Variants in TBC1D32 observed in about 807,000 individuals in gnomAD.
TBC1D32 encodes protein broad-minded.
Under a neutral mutation model 170.3 loss-of-function variants are expected in TBC1D32, and 151 were observed. The ratio of observed to expected loss-of-function variants is 0.89; its 90% confidence interval spans 0.78 to 1.01. TBC1D32 has a LOEUF of 1.01. Ranked by LOEUF, TBC1D32 falls within the 50% of genes least tolerant of loss-of-function variation. The pLI, the probability that TBC1D32 is intolerant of heterozygous loss-of-function variation, is 0.00. For synonymous variants in TBC1D32, 498 were observed against 488.0 expected (o/e 1.02, Z -0.27); for missense variants, 1,464 against 1,457.1 (o/e 1.00, Z -0.08).
chr6:121,130,003 A>C (rs1781257563), intron 25 of TBC1D32: 2 of 404,516 alleles, frequency 4.9e-6, no homozygotes, highest in Non-Finnish European at 9.5e-6. Flanking sequence ...ACCAAAGGTA[A>C]ATTAGAAATC....
At chr6:121,146,478 A>G (rs1783464702) in intron 24 of TBC1D32, among the ~76,000 whole-genome samples, 1 of 152,208 alleles carries the variant, frequency 6.6e-6, no homozygotes, top group African/African-American at 2.4e-5. Flanking sequence ...GGCTATTTCT[A>G]TATCATTGAT....
intron 30 of TBC1D32, among the ~76,000 whole-genome samples, chr6:121,102,769 C>G (rs1351182254): frequency 6.6e-6 from 1 of 152,050 alleles, no homozygotes; most frequent in African/African-American, 2.4e-5. Context: ...AGCTTCTGCA[C>G]AGCAAAAGAA....
At chr6:121,216,812 T>C (rs750505328) in intron 21 of TBC1D32, among the ~76,000 whole-genome samples, 9 of 152,118 alleles carry the variant, frequency 5.9e-5, no homozygotes, top group Non-Finnish European at 1.0e-4. Flanking sequence ...TCTGCTAAAA[T>C]TGCCCTGATT....
intron 30 of TBC1D32, among the ~76,000 whole-genome samples, chr6:121,105,687 A>G (rs971924314): frequency 6.6e-6 from 1 of 151,986 alleles, no homozygotes; most frequent in African/African-American, 2.4e-5. Flanking sequence ...GACACAGTAT[A>G]TCATATACAA....
At chr6:121,085,212 T>C (rs1339608695) in intron 31 of TBC1D32, among the ~76,000 whole-genome samples, 2 of 141,218 alleles carry the variant, frequency 1.4e-5, no homozygotes, top group Non-Finnish European at 1.5e-5. Flanking sequence ...TATATACACA[T>C]ATATATACAC....
chr6:121,208,729 GAAAAAA>G (rs57771111), intron 21 of TBC1D32, among the ~76,000 whole-genome samples: 2 of 86,918 alleles, frequency 2.3e-5, no homozygotes, highest in South Asian at 6.2e-4. Context: ...GAAACACCTG[GAAAAAA>G]AAAAAAAAAA....
At chr6:121,087,739 G>A (rs2128172570) in intron 31 of TBC1D32, among the ~76,000 whole-genome samples, 1 of 152,114 alleles carries the variant, frequency 6.6e-6, no homozygotes, top group South Asian at 2.1e-4. Context: ...CTTAAAAATA[G>A]TTTTATGATA....
intron 22 of TBC1D32, among the ~76,000 whole-genome samples, chr6:121,202,160 A>T (rs1487343543): frequency 6.6e-6 from 1 of 150,936 alleles, no homozygotes; most frequent in Non-Finnish European, 1.5e-5. Context: ...AATGATATTT[A>T]AAGGCAAATG....
chr6:121,231,218 C>G (rs554429413), intron 20 of TBC1D32, among the ~76,000 whole-genome samples: 6 of 152,130 alleles, frequency 3.9e-5, no homozygotes, highest in African/African-American at 1.4e-4. Flanking sequence ...GTGCTTCCCC[C>G]ACCTTATGTT....
intron 25 of TBC1D32, among the ~76,000 whole-genome samples, chr6:121,130,160 C>T (rs1781277896): frequency 6.6e-6 from 1 of 152,066 alleles, no homozygotes; most frequent in Non-Finnish European, 1.5e-5. Flanking sequence ...GAACCAAAAA[C>T]TTTTAGACTC....
intron 1 of TBC1D32, among the ~76,000 whole-genome samples, chr6:121,323,571 T>A (rs983244534): frequency 8.5e-5 from 13 of 152,224 alleles, no homozygotes; most frequent in African/African-American, 2.9e-4. Flanking sequence ...AATCTCTTTA[T>A]AAGAGTATCT....
intron 22 of TBC1D32, among the ~76,000 whole-genome samples, chr6:121,190,131 C>CACACACA (rs1789780921): frequency 8.2e-6 from 1 of 122,396 alleles, no homozygotes; most frequent in African/African-American, 3.0e-5. Flanking sequence ...CACACACACA[C>CACACACA]GACCCTCTCC....
Position 121,247,695 on chromosome 6 carries a change from C to CAAAAAAAAAAAAAA in TBC1D32, c.2019-5370_2019-5357dup, listed in dbSNP as rs34914027. On this transcript the variant is annotated intron_variant, in intron 17 of 31. Transcript: ENST00000398212. ...ATATCAGATAAAACAGGCTTTAAAG[C>CAAAAAAAAAAAAAA]AAAAAAAAAAAAAAAAAAAAAAAGA... Among the ~76,000 whole-genome samples, 87 of 46,558 alleles carry CAAAAAAAAAAAAAA rather than the reference C, an allele frequency of 1.9e-3. 1 individual carries two copies. Among genetic ancestry groups the CAAAAAAAAAAAAAA allele is most frequent in the African/African-American group, 5.8e-3 (57 of 9,796 alleles). The allele number at this position is 46,558 out of a possible 152,430, so 30.5% of individuals were successfully genotyped here.
At chr6:121,187,758 A>C (rs1301135704) in intron 22 of TBC1D32, among the ~76,000 whole-genome samples, 2 of 23,164 alleles carry the variant, frequency 8.6e-5, no homozygotes, top group Non-Finnish European at 1.7e-3. Flanking sequence ...CAGGGCCAAA[A>C]AAAAAAAAAA....
intron 20 of TBC1D32, among the ~76,000 whole-genome samples, chr6:121,225,713 T>C (rs1476898369): frequency 6.6e-6 from 1 of 152,122 alleles, no homozygotes; most frequent in African/African-American, 2.4e-5. Context: ...CTGAACAGAA[T>C]TTTAAAGAAG....
intron 22 of TBC1D32, among the ~76,000 whole-genome samples, chr6:121,190,148 C>A (rs1285912611): frequency 1.4e-5 from 2 of 144,138 alleles, no homozygotes; most frequent in Non-Finnish European, 3.1e-5. Flanking sequence ...CTCCGTCCCC[C>A]ACCACCCTCC....
chr6:121,326,821 G>T (rs1034081681), intron 1 of TBC1D32, among the ~76,000 whole-genome samples: 5 of 151,646 alleles, frequency 3.3e-5, no homozygotes, highest in Non-Finnish European at 5.9e-5. Flanking sequence ...TGAAAGGACT[G>T]CCAGGCTGCC....
rs1424190891 is a variant in TBC1D32, at chr6:121,321,771, C to A, written c.179G>T (p.Arg60Met). Residue 60 changes from arginine (R) to methionine (M), a missense_variant, in exon 2 of 32, where the codon AGG (arginine) becomes ATG (methionine). Physicochemically the swap from Arg to Met is moderately conservative, Grantham distance 91. Transcript: ENST00000398212. Reference protein sequence around the residue: ...FHNYEFVKYLRQHIGNTLGSM... With the variant: ...FHNYEFVKYLMQHIGNTLGSM... ...ACCCAAAGTGTTGCCTATATGCTGCCTGAGGTATTTCACAAATTCATAGCT... is the reference window on the plus strand; with the variant it reads ...ACCCAAAGTGTTGCCTATATGCTGCATGAGGTATTTCACAAATTCATAGCT... 2.7e-5 allele frequency: 43 copies of A among 1,610,898 alleles called. No homozygotes were observed. Among genetic ancestry groups the A allele is most frequent in the Non-Finnish European group, 3.6e-5 (43 of 1,178,974 alleles).
At chr6:121,206,597 CT>C (rs1792306889) in intron 21 of TBC1D32, among the ~76,000 whole-genome samples, 1 of 152,134 alleles carries the variant, frequency 6.6e-6, no homozygotes, top group South Asian at 2.1e-4. Flanking sequence ...AATACAACAA[CT>C]GGACTGTGGG....
Sources: gnomAD v4.1 joint callset for allele counts (sites outside exome capture counted in the v4.1 genomes callset) on GRCh38, gnomAD v4.1.1 for gene constraint, MANE v1.5 for transcripts, NCBI Gene and HGNC (gene_info 2026-07-23, HGNC 2026-07-21) for gene names.